The following ACSM1 variants were observed in gnomAD, a reference collection of about 807,000 sequenced individuals.
The protein encoded by ACSM1 is acyl-coenzyme A synthetase ACSM1, mitochondrial.
Under a neutral mutation model 75.8 loss-of-function variants are expected in ACSM1, and 79 were observed. That is an observed-to-expected ratio of 1.04 (90% CI 0.87 to 1.26). ACSM1 has a LOEUF of 1.26. Ranked by LOEUF, ACSM1 falls within the 50% of genes most tolerant of loss-of-function variation. ACSM1 has a pLI of 0.00. For synonymous variants in ACSM1, 279 were observed against 265.8 expected (o/e 1.05, Z -0.48); for missense variants, 676 against 720.1 (o/e 0.94, Z 0.70).
Position 20,646,856 on chromosome 16 carries a change from GC to G in ACSM1, c.993-6273del, listed in dbSNP as rs368179183. Among the ~76,000 whole-genome samples, 141 of 152,260 alleles carry G rather than the reference GC, an allele frequency of 9.3e-4. 6 individuals are homozygous for G. The South Asian group carries it at 0.028, about 30-fold the overall frequency. On this transcript the variant is annotated intron_variant, in intron 7 of 13. Coordinates refer to ENST00000520010, the MANE Select transcript of ACSM1 (RefSeq NM_001318890.3). The stretch of plus-strand genomic sequence containing the variant: ...CTATCAAACATCAGGAAGCCATTAG[GC>G]CCCAAAATTCTCCTTACCTCTGAAT...
chr16:20,690,421 C>T (rs1191924060), intron 2 of ACSM1, among the ~76,000 whole-genome samples: 3 of 152,206 alleles, frequency 2.0e-5, no homozygotes, highest in Non-Finnish European at 4.4e-5. Flanking sequence ...CTCTGGAAGA[C>T]ACAGGGCTTG....
intron 7 of ACSM1, among the ~76,000 whole-genome samples, chr16:20,661,217 G>T (rs2019282461): frequency 3.3e-5 from 5 of 152,140 alleles, no homozygotes; most frequent in Admixed American, 3.3e-4. Flanking sequence ...ATAGGATGCT[G>T]CACACAATTA....
rs71842093 is a variant in ACSM1 at position 20,685,819 on chromosome 16, C to CAAAAAA, written c.193-422_193-417dup. Among the ~76,000 whole-genome samples, 167 of 50,116 alleles carry CAAAAAA rather than the reference C, an allele frequency of 3.3e-3. 32 individuals are homozygous for CAAAAAA. The highest frequency in any genetic ancestry group is 4.1e-3 in the Non-Finnish European group (126 of 30,826). The allele number at this position is 50,116 out of a possible 152,430, so 32.9% of individuals were successfully genotyped here. A position where few individuals can be genotyped will look rare whatever the true frequency, so the allele number is the denominator to read the frequency against. ...TGGATGACACAGTGAGACTCCGTCT[C>CAAAAAA]AAAAAAAAAAAACAAACAAAAAAAA... On this transcript the variant is annotated intron_variant, in intron 2 of 13. Coordinates refer to ENST00000520010, the MANE Select transcript of ACSM1 (RefSeq NM_001318890.3).
rs761863576 is a variant in ACSM1 at position 20,624,248 on chromosome 16, G to A, written c.1528-33C>T. ...ATGAAGTCATGGGCTCACAGTGAGT[G>A]CCAACCTACTCCATAGCTTAAAAAG... On this transcript the variant is annotated intron_variant, in intron 12 of 13. Transcript: ENST00000520010. The A allele has an allele frequency of 2.4e-5, 38 of 1,582,346 alleles. No homozygotes were observed. The Middle Eastern group carries it at 6.8e-4, about 28-fold the overall frequency.
intron 10 of ACSM1, 81 bp downstream of exon 10, chr16:20,636,658 A>G: frequency 1.1e-6 from 1 of 945,752 alleles, no homozygotes; most frequent in South Asian, 1.4e-5. Context: ...CAAATAAAAG[A>G]GGACTTGAAG....
intron 7 of ACSM1, among the ~76,000 whole-genome samples, chr16:20,658,768 T>G (rs1487335472): frequency 6.6e-6 from 1 of 151,754 alleles, no homozygotes; most frequent in Non-Finnish European, 1.5e-5. Flanking sequence ...ATTTACACCC[T>G]CCTCAGGATG....
chr16:20,683,300 T>C (rs2079483945), intron 3 of ACSM1, among the ~76,000 whole-genome samples: 1 of 151,846 alleles, frequency 6.6e-6, no homozygotes, highest in Admixed American at 6.6e-5. Context: ...ATTATTATTA[T>C]TATTTTTAGT....
intron 4 of ACSM1, among the ~76,000 whole-genome samples, chr16:20,672,060 G>A (rs1055274782): frequency 6.6e-6 from 1 of 151,966 alleles, no homozygotes; most frequent in African/African-American, 2.4e-5. Context: ...TAGGAGATGA[G>A]TACTACTCTA....
chr16:20,685,832 C>CAAA (rs1469791653), intron 2 of ACSM1, among the ~76,000 whole-genome samples: 2 of 72,132 alleles, frequency 2.8e-5, no homozygotes, highest in South Asian at 5.2e-4. Flanking sequence ...AAAAAAAAAA[C>CAAA]AAACAAAAAA....
intron 7 of ACSM1, among the ~76,000 whole-genome samples, chr16:20,641,046 G>C (rs1204516868): frequency 6.6e-6 from 1 of 152,166 alleles, no homozygotes; most frequent in Non-Finnish European, 1.5e-5. Context: ...TCTGAATGGG[G>C]AATGCATGTT....
At chr16:20,668,604 G>C (rs1010341632) in intron 6 of ACSM1, among the ~76,000 whole-genome samples, 6 of 152,184 alleles carry the variant, frequency 3.9e-5, no homozygotes, top group African/African-American at 1.4e-4. Flanking sequence ...AGCTTGGACC[G>C]AGAAGACTAG....
intron 2 of ACSM1, among the ~76,000 whole-genome samples, 162 bp downstream of exon 2, chr16:20,690,835 G>A (rs1365573089): frequency 6.6e-6 from 1 of 152,190 alleles, no homozygotes; most frequent in Non-Finnish European, 1.5e-5. Flanking sequence ...GTAAGGAAAT[G>A]GCCAGGCTGG....
At chr16:20,631,868 A>C (rs1433528556) in intron 10 of ACSM1, among the ~76,000 whole-genome samples, 1 of 152,174 alleles carries the variant, frequency 6.6e-6, no homozygotes, top group Non-Finnish European at 1.5e-5. Context: ...TAGAGGGCAA[A>C]GTTGGCAGGG....
intron 10 of ACSM1, among the ~76,000 whole-genome samples, chr16:20,634,023 TAAAG>T (rs1211748293): frequency 6.6e-6 from 1 of 152,178 alleles, no homozygotes; most frequent in Non-Finnish European, 1.5e-5. Context: ...GGTATTGGCA[TAAAG>T]ACAGACAGAT....
At chr16:20,645,915 G>A (rs1055898530) in intron 7 of ACSM1, among the ~76,000 whole-genome samples, 2 of 152,192 alleles carry the variant, frequency 1.3e-5, no homozygotes, top group Non-Finnish European at 2.9e-5. Flanking sequence ...CATTGAGGAA[G>A]CATACCTCTC....
At chr16:20,652,298 G>A (rs1311620182) in intron 7 of ACSM1, among the ~76,000 whole-genome samples, 1 of 151,920 alleles carries the variant, frequency 6.6e-6, no homozygotes, top group African/African-American at 2.4e-5. Context: ...TCCAATTTAA[G>A]AAATTTTTTA....
intron 1 of ACSM1, among the ~76,000 whole-genome samples, chr16:20,696,037 T>C (rs2079688067): frequency 1.3e-5 from 2 of 152,222 alleles, no homozygotes; most frequent in South Asian, 4.1e-4. Flanking sequence ...AATACACAAG[T>C]ACTTACCATC....
At chr16:20,669,042 G>GGC (rs2019728535) in intron 6 of ACSM1, among the ~76,000 whole-genome samples, 1 of 152,032 alleles carries the variant, frequency 6.6e-6, no homozygotes, top group Non-Finnish European at 1.5e-5. Flanking sequence ...AGAGGTGGAG[G>GGC]GCAAGGTCTG....
At chr16:20,661,661 C>T in intron 7 of ACSM1, 133 bp downstream of exon 7, 1 of 552,132 alleles carries the variant, frequency 1.8e-6, no homozygotes, top group Non-Finnish European at 3.1e-6. Flanking sequence ...AACTTTTGAT[C>T]ATCATCGCCA....
Sources: allele counts gnomAD v4.1 joint callset (sites outside exome capture counted in the v4.1 genomes callset), GRCh38; gene constraint gnomAD v4.1.1; transcripts MANE v1.5; gene names NCBI Gene and HGNC (gene_info 2026-07-23, HGNC 2026-07-21).